The following ATP10B variants were observed in gnomAD, a reference collection of about 807,000 sequenced individuals.
ATP10B encodes ATPase phospholipid transporting 10B (putative).
In ATP10B, 122 loss-of-function variants were observed where a neutral mutation model predicts 141.2. The ratio of observed to expected loss-of-function variants is 0.86; its 90% CI spans 0.75 to 1.00. The LOEUF is 1.00. Ranked by LOEUF, ATP10B falls within the 50% of genes least tolerant of loss-of-function variation. The probability of loss-of-function intolerance (pLI) is 0.00; values close to 1 mark genes in which losing one functional copy is unlikely to be tolerated. For synonymous variants in ATP10B, 685 were observed against 692.0 expected, an observed-to-expected ratio of 0.99 and a Z score of 0.16; for missense variants, 1,876 against 1,825.3, an observed-to-expected ratio of 1.03 and a Z score of -0.51.
intron 1 of ATP10B, among the ~76,000 whole-genome samples, chr5:160,810,101 TG>T (rs1356653930): frequency 1.3e-5 from 2 of 152,182 alleles, no homozygotes; most frequent in African/African-American, 4.8e-5. Context: ...GGAGTAAGTT[TG>T]GTTTGTGTCT....
intron 1 of ATP10B, among the ~76,000 whole-genome samples, chr5:160,818,767 A>G (rs1180144541): frequency 1.3e-5 from 2 of 152,242 alleles, no homozygotes; most frequent in African/African-American, 2.4e-5. Flanking sequence ...CAACAATGAT[A>G]GACTGGATTA....
At chr5:160,890,646 T>C in the ATP10B span, among the ~76,000 whole-genome samples, 1 of 152,222 alleles carries the variant, frequency 6.6e-6, no homozygotes, top group African/African-American at 2.4e-5. Context: ...AACATTCCAT[T>C]GTACTGATAT....
the ATP10B span, among the ~76,000 whole-genome samples, chr5:160,926,997 A>G: frequency 6.6e-6 from 1 of 152,244 alleles, no homozygotes; most frequent in Non-Finnish European, 1.5e-5. Flanking sequence ...AAGGGCTCAC[A>G]TTACCTGTGC....
At chr5:160,826,841 C>A (rs1421279817) in intron 1 of ATP10B, among the ~76,000 whole-genome samples, 7 of 152,130 alleles carry the variant, frequency 4.6e-5, no homozygotes, top group African/African-American at 1.7e-4. Context: ...TGGTCTCCTG[C>A]AGTACCCTCA....
At chr5:160,669,608 CTTTTTTTT>C (rs5872655) in intron 7 of ATP10B, among the ~76,000 whole-genome samples, 3 of 84,958 alleles carry the variant, frequency 3.5e-5, no homozygotes, top group Middle Eastern at 6.8e-3. Flanking sequence ...CAGTCTCTCT[CTTTTTTTT>C]TTTTTTTTTT....
At chr5:160,797,705 C>T (rs1031316375) in intron 1 of ATP10B, among the ~76,000 whole-genome samples, 2 of 151,818 alleles carry the variant, frequency 1.3e-5, no homozygotes, top group African/African-American at 4.8e-5. Flanking sequence ...GGTGTTCAAA[C>T]CTACATTTTA....
chr5:160,649,539 C>G (rs1029978868), intron 7 of ATP10B, among the ~76,000 whole-genome samples: 5 of 152,206 alleles, frequency 3.3e-5, no homozygotes, highest in African/African-American at 1.2e-4. Flanking sequence ...TCTAATAGAA[C>G]TTACTGCAAT....
At chr5:160,842,749 A>G (rs947913858) in intron 1 of ATP10B, among the ~76,000 whole-genome samples, 1 of 152,064 alleles carries the variant, frequency 6.6e-6, no homozygotes, top group African/African-American at 2.4e-5. Flanking sequence ...AAGAAGAAAC[A>G]GAAAATCTGA....
chr5:160,835,310 G>C (rs28525115), intron 1 of ATP10B, among the ~76,000 whole-genome samples: 1,912 of 152,218 alleles, frequency 0.013, 41 homozygotes, highest in African/African-American at 0.044. Flanking sequence ...AACAAGCTGA[G>C]ATGTATAGCT....
chr5:160,774,651 C>T (rs1029879911), intron 2 of ATP10B, among the ~76,000 whole-genome samples: 4 of 152,098 alleles, frequency 2.6e-5, no homozygotes, highest in African/African-American at 4.8e-5. Flanking sequence ...ACCTGGTCCA[C>T]GAAGGACTTA....
intron 18 of ATP10B, 31 bp downstream of exon 18, chr5:160,612,710 C>T (rs769562134): frequency 1.9e-6 from 3 of 1,585,988 alleles, no homozygotes; most frequent in East Asian, 2.2e-5. Flanking sequence ...ACGTTGATAT[C>T]TGCAGATATC....
intron 24 of ATP10B, among the ~76,000 whole-genome samples, chr5:160,579,783 C>A (rs746548094): frequency 6.6e-6 from 1 of 152,136 alleles, no homozygotes; most frequent in Non-Finnish European, 1.5e-5. Context: ...AATATTGATT[C>A]TTCCTATCCA....
chr5:160,632,613 C>T (rs892617645), intron 12 of ATP10B: 28 of 271,262 alleles, frequency 1.0e-4, no homozygotes, highest in Non-Finnish European at 1.7e-4. Flanking sequence ...ACTTTATTTC[C>T]TCAGAGGTTT....
At chr5:160,720,009 GT>G (rs1307173001) in intron 2 of ATP10B, among the ~76,000 whole-genome samples, 1 of 152,208 alleles carries the variant, frequency 6.6e-6, no homozygotes, top group Non-Finnish European at 1.5e-5. Flanking sequence ...CAGGAAAGAA[GT>G]TGCATTTCTT....
At chr5:160,631,191 T>G (rs1473585638) in intron 13 of ATP10B, among the ~76,000 whole-genome samples, 1 of 152,208 alleles carries the variant, frequency 6.6e-6, no homozygotes, top group East Asian at 1.9e-4. Context: ...TTGTTCAAGA[T>G]TGCTGGGGCT....
intron 24 of ATP10B, among the ~76,000 whole-genome samples, chr5:160,572,732 C>T (rs1260575371): frequency 6.6e-6 from 1 of 152,118 alleles, no homozygotes; most frequent in Non-Finnish European, 1.5e-5. Context: ...GAGGAGAATT[C>T]CTTTTGGAAA....
In ATP10B at chr5:160,760,111, A is replaced by G. The variant is rs75390169; in HGVS notation, c.-331+25448T>C. ...TATGGCTCCCCAAATCTGAACATCA[A>G]GAGAGGGATCAAATTTCATCCTATA... is the stretch of plus-strand genomic sequence containing the variant. On this transcript the variant is annotated intron_variant, in intron 2 of 25. Coordinates refer to ENST00000327245, the MANE Select transcript of ATP10B (RefSeq NM_025153.3). Among the ~76,000 whole-genome samples the G allele has an allele frequency of 9.2e-3, 1,394 of 152,326 alleles. 8 individuals carry two copies. The highest frequency in any genetic ancestry group is 0.015 in the Non-Finnish European group (1,053 of 68,030).
chr5:160,670,307 G>C (rs934909598), intron 7 of ATP10B, among the ~76,000 whole-genome samples, 156 bp downstream of exon 7: 1 of 152,194 alleles, frequency 6.6e-6, no homozygotes, highest in Non-Finnish European at 1.5e-5. Flanking sequence ...CCATCTCAGA[G>C]GGCTGCTGGT....
In ATP10B at chr5:160,700,173, G is replaced by A. The variant is rs552470864; in HGVS notation, c.-204-11230C>T. Among the ~76,000 whole-genome samples, 5 of 152,302 alleles carry A rather than the reference G, an allele frequency of 3.3e-5. No individual in the cohort carries two copies. In the East Asian group the frequency reaches 7.7e-4, roughly 24 times the overall value. ...CAGAGGAATTTTAGAAGTTGTGGGG[G>A]AAGTGGCACTGGATGTTCCTTAGGA... On this transcript the variant is annotated intron_variant, in intron 3 of 25. Coordinates refer to ENST00000327245, the MANE Select transcript of ATP10B (RefSeq NM_025153.3).
Sources: gnomAD v4.1 joint callset for allele counts (sites outside exome capture counted in the v4.1 genomes callset) on GRCh38, gnomAD v4.1.1 for gene constraint, MANE v1.5 for transcripts, NCBI Gene and HGNC (gene_info 2026-07-23, HGNC 2026-07-21) for gene names.